MAP3K14: variants seen among roughly 807,000 people sequenced by gnomAD.
MAP3K14 encodes the protein NF-kappa-beta-inducing kinase.
A neutral mutation model predicts 99.2 loss-of-function variants in MAP3K14; 16 were observed. The ratio of observed to expected loss-of-function variants is 0.16; its 90% CI spans 0.11 to 0.24. The LOEUF (loss-of-function observed/expected upper bound fraction) is 0.24, where lower values mean the gene tolerates loss of function less well. Ranked by LOEUF, MAP3K14 falls within the 10% of genes least tolerant of loss-of-function variation. MAP3K14 has a pLI of 1.00. For missense variants in MAP3K14, 784 were observed against 1,208.7 expected (o/e 0.65, Z 5.21); for synonymous variants, 462 against 492.4 (o/e 0.94, Z 0.82).
intron 1 of MAP3K14, among the ~76,000 whole-genome samples, chr17:45,299,072 A>AGCG (rs2044367167): frequency 1.3e-5 from 2 of 152,170 alleles, no homozygotes; most frequent in South Asian, 4.1e-4. Flanking sequence ...CAGTGAGTAA[A>AGCG]GCGTAAGTCA....
At chr17:45,299,441 C>A (rs1366773444) in intron 1 of MAP3K14, among the ~76,000 whole-genome samples, 1 of 152,080 alleles carries the variant, frequency 6.6e-6, no homozygotes, top group Non-Finnish European at 1.5e-5. Flanking sequence ...TGGTACAGAA[C>A]CCCCACCCTG....
In MAP3K14 at chr17:45,264,746, C is replaced by T. The variant is rs1270528203; in HGVS notation, c.2734G>A (p.Asp912Asn). The T allele has an allele frequency of 8.1e-6, 13 of 1,613,298 alleles. No homozygotes were observed. The highest frequency in any genetic ancestry group is 2.2e-5 in the East Asian group (1 of 44,874). ...VTKDGQPVRY[D>N]MEVPDSGIDL... Reference sequence around the variant, plus strand: ...ATGCCCGAGTCTGGCACCTCCATGTCGTAGCGAACAGGCTGCCCGTCTTTG... The same window carrying T: ...ATGCCCGAGTCTGGCACCTCCATGTTGTAGCGAACAGGCTGCCCGTCTTTG... The change falls in exon 16 of 16, where the codon GAC becomes AAC. Residue 912 changes from aspartate to asparagine, a missense_variant. Asp to Asn is a conservative substitution (Grantham distance 23, BLOSUM62 1). This residue lies in a region of MAP3K14 where 130 missense variants were observed against 220.4 expected (regional missense o/e 0.59). Coordinates refer to ENST00000344686, the MANE Select transcript of MAP3K14 (RefSeq NM_003954.5).
At chr17:45,276,823 CTTTTTTTTTTT>C (rs35012373) in intron 6 of MAP3K14, among the ~76,000 whole-genome samples, 4 of 62,276 alleles carry the variant, frequency 6.4e-5, no homozygotes, top group Admixed American at 2.3e-4. Flanking sequence ...TCTTAGACTT[CTTTTTTTTTTT>C]TTTTTTTTTT....
At chr17:45,289,390 T>C (rs1345639611) in intron 2 of MAP3K14, 85 bp from the exon 3 acceptor site, 19 of 1,059,128 alleles carry the variant, frequency 1.8e-5, no homozygotes, top group Non-Finnish European at 2.7e-5. Flanking sequence ...AGAGATCCCC[T>C]CTGGCGCCTC....
In MAP3K14 at chr17:45,267,777, C is replaced by CA. The variant is rs2044106832; in HGVS notation, c.1973-19dup. The stretch of plus-strand genomic sequence containing the variant: ...ACCTCCCACTAGAAAACAGAGAGTA[C>CA]AATGGTGAGGGGAAGCGTGCTGTGC... On this transcript the variant is annotated intron_variant, in intron 11 of 15. Transcript: ENST00000344686. This position sits in a 1 kb window ranked among gnomAD's most constrained non-coding sequence, Gnocchi z 5.1. 1 of 1,594,194 alleles carries CA rather than the reference C, an allele frequency of 6.3e-7. No individual in the cohort carries two copies. Among genetic ancestry groups the CA allele is most frequent in the Non-Finnish European group, 8.5e-7 (1 of 1,172,538 alleles).
intron 3 of MAP3K14, among the ~76,000 whole-genome samples, chr17:45,288,966 G>A (rs898395224): frequency 8.5e-5 from 13 of 152,324 alleles, no homozygotes; most frequent in African/African-American, 2.6e-4. Flanking sequence ...AAACGAGGGG[G>A]TGCATTAAGG....
chr17:45,278,120 CTG>C (rs1263956774), intron 6 of MAP3K14, among the ~76,000 whole-genome samples: 1 of 152,188 alleles, frequency 6.6e-6, no homozygotes, highest in African/African-American at 2.4e-5. Context: ...GAAACAATGA[CTG>C]AGATATTAAC....
Position 45,273,122 on chromosome 17 carries a change from C to T in MAP3K14, c.1657+381G>A, listed in dbSNP as rs532480664. Among the ~76,000 whole-genome samples the T allele has an allele frequency of 1.1e-4, 16 of 152,310 alleles. No homozygotes were observed. In the East Asian group the frequency reaches 2.1e-3, roughly 20 times the overall value. Reference sequence around the variant, plus strand: ...TTAGAGCCCAGGCCCCTTGGTCAGCCTGCCCACTGTGCTTCCAGCCAACCG... The same window carrying T: ...TTAGAGCCCAGGCCCCTTGGTCAGCTTGCCCACTGTGCTTCCAGCCAACCG... On this transcript the variant is annotated intron_variant, in intron 9 of 15. Transcript: ENST00000344686.
At chr17:45,279,998 T>A (rs921450407) in intron 6 of MAP3K14, among the ~76,000 whole-genome samples, 1 of 152,188 alleles carries the variant, frequency 6.6e-6, no homozygotes, top group African/African-American at 2.4e-5. Flanking sequence ...CTATCCCCCA[T>A]TACAACTCGG....
intron 9 of MAP3K14, among the ~76,000 whole-genome samples, chr17:45,273,093 G>C (rs1178046210): frequency 6.6e-6 from 1 of 152,212 alleles, no homozygotes. Context: ...ATATTTCACT[G>C]ACTTTAGAGC....
At chr17:45,274,805 G>A (rs998116514) in intron 6 of MAP3K14, among the ~76,000 whole-genome samples, 2 of 152,176 alleles carry the variant, frequency 1.3e-5, no homozygotes, top group African/African-American at 4.8e-5. Context: ...CTTAATTAAA[G>A]TTCTGGAGTG....
chr17:45,273,667 C>G (rs746330013), intron 8 of MAP3K14, 60 bp from the exon 9 acceptor site: 1 of 1,380,064 alleles, frequency 7.2e-7, no homozygotes, highest in African/African-American at 1.4e-5. Flanking sequence ...CCCAGCCCAC[C>G]CTGGCTCGGT....
At chr17:45,289,442 C>A in intron 2 of MAP3K14, 137 bp from the exon 3 acceptor site, 1 of 672,812 alleles carries the variant, frequency 1.5e-6, no homozygotes. Flanking sequence ...TGGCAGTCAC[C>A]TCCCCACCAA....
intron 3 of MAP3K14, among the ~76,000 whole-genome samples, chr17:45,288,755 T>C (rs534523722): frequency 3.9e-5 from 6 of 152,150 alleles, no homozygotes; most frequent in Non-Finnish European, 5.9e-5. Context: ...TGGCTTCCTT[T>C]CTACCGGGCC....
chr17:45,302,600 G>GC (rs1294465468), intron 1 of MAP3K14, among the ~76,000 whole-genome samples: 1 of 152,194 alleles, frequency 6.6e-6, no homozygotes, highest in Non-Finnish European at 1.5e-5. Context: ...GAGCCACTGT[G>GC]CCCGGCCAAG....
rs544692108 is a variant in MAP3K14 at position 45,272,659 on chromosome 17, G to T, written c.1657+844C>A. Reference sequence around the variant, plus strand: ...AGTTATTTAAAATATTCATGATTCGGCCGGGCACGGAGGCTCATGCCTGTA... The same window carrying T: ...AGTTATTTAAAATATTCATGATTCGTCCGGGCACGGAGGCTCATGCCTGTA... On this transcript the variant is annotated intron_variant, in intron 9 of 15. Coordinates refer to ENST00000344686, the MANE Select transcript of MAP3K14 (RefSeq NM_003954.5). This position sits in a 1 kb window ranked among gnomAD's most constrained non-coding sequence, Gnocchi z 4.1. 2.8e-4 allele frequency among the ~76,000 whole-genome samples: 42 copies of T among 152,294 alleles called. No individual in the cohort carries two copies. Among genetic ancestry groups the T allele is most frequent in the African/African-American group, 9.9e-4 (41 of 41,560 alleles).
chr17:45,274,624 AG>A, intron 6 of MAP3K14, 31 bp from the exon 7 acceptor site: 3 of 1,609,228 alleles, frequency 1.9e-6, no homozygotes, highest in Non-Finnish European at 2.5e-6. Context: ...CTGTTAAGAC[AG>A]GGTGAGGGGA....
At chr17:45,315,015 CAAA>C (rs71701432) in intron 1 of MAP3K14, among the ~76,000 whole-genome samples, 2 of 128,606 alleles carry the variant, frequency 1.6e-5, no homozygotes. Flanking sequence ...TATCAATCAC[CAAA>C]AAAAAAAAAA....
intron 8 of MAP3K14, 107 bp from the exon 9 acceptor site, chr17:45,273,714 C>T (rs750523103): frequency 4.5e-5 from 36 of 804,284 alleles, no homozygotes; most frequent in Non-Finnish European, 7.7e-5. Flanking sequence ...TTCTGGCTGA[C>T]CCTACGTGGC....
Sources: allele counts gnomAD v4.1 joint callset (sites outside exome capture counted in the v4.1 genomes callset), GRCh38; gene constraint gnomAD v4.1.1; regional missense constraint gnomAD v4.1.1; non-coding constraint Gnocchi (gnomAD v3.1); transcripts MANE v1.5; gene names NCBI Gene and HGNC (gene_info 2026-07-23, HGNC 2026-07-21).